The following PPP4R2 variants were observed in gnomAD, a reference collection of about 807,000 sequenced individuals.
PPP4R2 encodes protein phosphatase 4 regulatory subunit 2.
A neutral mutation model predicts 47.2 loss-of-function variants in PPP4R2; 13 were observed. That is an observed-to-expected ratio of 0.28 (90% CI 0.18 to 0.44). The LOEUF (loss-of-function observed/expected upper bound fraction) is 0.44, where lower values mean the gene tolerates loss of function less well. Among genes scored for constraint, PPP4R2 ranks in the 20% least tolerant of loss-of-function variants. PPP4R2 has a pLI of 1.00. For missense variants in PPP4R2, 421 were observed against 491.2 expected (o/e 0.86, Z 1.35); for synonymous variants, 151 against 163.3 (o/e 0.92, Z 0.57).
intron 3 of PPP4R2, among the ~76,000 whole-genome samples, chr3:73,052,342 T>C (rs1323395353): frequency 6.6e-6 from 1 of 151,586 alleles, no homozygotes; most frequent in Non-Finnish European, 1.5e-5. Flanking sequence ...AAAGTGAAGT[T>C]ACAGTTTGTC....
intron 2 of PPP4R2, among the ~76,000 whole-genome samples, chr3:73,043,008 G>C (rs1030790242): frequency 1.3e-5 from 2 of 151,858 alleles, no homozygotes; most frequent in Non-Finnish European, 2.9e-5. Context: ...TTTTTGGACC[G>C]CAAACATGTC....
intron 3 of PPP4R2, among the ~76,000 whole-genome samples, chr3:73,056,682 G>A (rs1702737643): frequency 6.6e-6 from 1 of 151,932 alleles, no homozygotes; most frequent in Non-Finnish European, 1.5e-5. Flanking sequence ...TATCATTGCT[G>A]GTATTGCTAT....
At position 73,065,722 on chromosome 3, in the gene PPP4R2, A is replaced by T. The variant is rs774814827; in HGVS notation, c.1254A>T (p.Ter418TyrextTer6). The T allele has an allele frequency of 3.8e-6, 6 of 1,583,396 alleles. No homozygotes were observed. The highest frequency in any genetic ancestry group is 3.4e-6 in the Non-Finnish European group (4 of 1,160,626). ...CCGATGAACCAATGGAACAAGACTA[A>T]CTATTTAGAAACATTTAGATGCAGT... Reference protein sequence around the residue: ...EVTDEPMEQD* With the variant: ...EVTDEPMEQDY The change falls in exon 9 of 9, where the codon TAA (stop) becomes TAT (tyrosine). Residue 418 changes from the stop codon to tyrosine (Y), a stop_lost. Coordinates refer to ENST00000356692, the MANE Select transcript of PPP4R2 (RefSeq NM_174907.4).
At chr3:73,018,208 G>C (rs1043106383) in intron 2 of PPP4R2, among the ~76,000 whole-genome samples, 3 of 152,062 alleles carry the variant, frequency 2.0e-5, no homozygotes, top group African/African-American at 7.2e-5. Context: ...TTTCAACTGT[G>C]GGGGTCAACT....
chr3:73,048,746 A>G (rs987835910), intron 3 of PPP4R2, among the ~76,000 whole-genome samples: 1 of 152,248 alleles, frequency 6.6e-6, no homozygotes, highest in Non-Finnish European at 1.5e-5. Flanking sequence ...TTGTATTTTT[A>G]GATGGCATAA....
At position 72,996,986 on chromosome 3, in the gene PPP4R2, C is replaced by T. The variant is rs557288481; in HGVS notation, c.-52C>T. 3.8e-6 allele frequency: 5 copies of T among 1,321,162 alleles called. No individual in the cohort carries two copies. The East Asian group carries it at 9.3e-5, about 24-fold the overall frequency. The allele number at this position is 1,321,162 out of a possible 1,614,324, so 81.8% of individuals were successfully genotyped here. ...GGGGGGTGGGGGGAGGCGTTCCGGT[C>T]CCCAAGAGACCCGCGGAGGGAGGCG... is the stretch of plus-strand genomic sequence containing the variant. On this transcript the variant is annotated 5_prime_UTR_variant, in exon 1 of 9. Transcript: ENST00000356692.
chr3:73,014,947 A>T lies in PPP4R2; in HGVS notation c.116+16789A>T, dbSNP rs968042392. On this transcript the variant is annotated intron_variant, in intron 2 of 8. Transcript: ENST00000356692. ...TCGAAACCCTGGCCTCAAGTGATCC[A>T]CCTGCCTCAACTTCCCAAACTGCGG... The T allele has an allele frequency of 4.3e-6, 3 of 694,438 alleles. No homozygotes were observed. The Middle Eastern group carries it at 6.9e-4, about 160-fold the overall frequency. 43.0% of individuals were successfully genotyped at this position (694,438 alleles called of 1,614,324 possible). A position where few individuals can be genotyped will look rare whatever the true frequency, so the allele number is the denominator to read the frequency against.
Position 72,998,111 on chromosome 3 carries a change from T to C in PPP4R2, c.69T>C (p.Pro23=), listed in dbSNP as rs1442269799. The change falls in exon 2 of 9, where the codon CCT becomes CCC. Residue 23 remains proline, a synonymous_variant. Transcript: ENST00000356692. The part of the protein sequence containing the change: ...FEKRGKKEVC[P]VLDQFLCHVA... Reference sequence around the variant, plus strand: ...AGAGGGGGAAAAAGGAAGTTTGTCCTGTCCTGGATCAGTTTCTTTGTCATG... The same window carrying C: ...AGAGGGGGAAAAAGGAAGTTTGTCCCGTCCTGGATCAGTTTCTTTGTCATG... The C allele has an allele frequency of 6.2e-7, 1 of 1,606,424 alleles. No homozygotes were observed. Among genetic ancestry groups the C allele is most frequent in the East Asian group, 2.2e-5 (1 of 44,802 alleles).
intron 2 of PPP4R2, among the ~76,000 whole-genome samples, chr3:73,040,492 T>C (rs1702355048): frequency 7.3e-6 from 1 of 137,386 alleles, no homozygotes; most frequent in South Asian, 2.5e-4. Flanking sequence ...GAAGTAGATG[T>C]GACCTAATTT....
chr3:73,001,699 C>A (rs547288418), intron 2 of PPP4R2, among the ~76,000 whole-genome samples: 1 of 152,026 alleles, frequency 6.6e-6, no homozygotes, highest in African/African-American at 2.4e-5. Flanking sequence ...ATCGTAGTGG[C>A]GCGATCTCGG....
In PPP4R2 at chr3:73,067,822, A is replaced by G. The variant is rs932110475; in HGVS notation, c.*2100A>G. On this transcript the variant is annotated 3_prime_UTR_variant, in exon 9 of 9. Transcript: ENST00000356692. ...TGCAATTGCTATATTTGCAAGGGCA[A>G]ATGTATTTCTTTATTAAATAAAGTA... The G allele has an allele frequency of 2.0e-5, 3 of 152,180 alleles. No individual in the cohort carries two copies. The highest frequency in any genetic ancestry group is 4.8e-5 in the African/African-American group (2 of 41,452). The allele number at this position is 152,180 out of a possible 1,614,324, so 9.4% of individuals were successfully genotyped here.
intron 2 of PPP4R2, among the ~76,000 whole-genome samples, chr3:73,018,407 C>CGTTATGTTATGTTAT (rs11282207): frequency 0.1 from 9,952 of 96,052 alleles, 778 homozygotes; most frequent in East Asian, 0.16. Context: ...CTGTCATAGT[C>CGTTATGTTATGTTAT]GTTATGTTAT....
At chr3:73,026,520 A>G (rs1235491628) in intron 2 of PPP4R2, among the ~76,000 whole-genome samples, 2 of 152,152 alleles carry the variant, frequency 1.3e-5, no homozygotes, top group Non-Finnish European at 2.9e-5. Context: ...CCTGAGGACA[A>G]CTAAATTCTT....
At chr3:73,018,923 A>T (rs941152468) in intron 2 of PPP4R2, among the ~76,000 whole-genome samples, 1 of 152,128 alleles carries the variant, frequency 6.6e-6, no homozygotes, top group Non-Finnish European at 1.5e-5. Context: ...TTTGCTTACT[A>T]GTCTGTTTCT....
chr3:73,003,215 T>C (rs938019355), intron 2 of PPP4R2, among the ~76,000 whole-genome samples: 4 of 126,498 alleles, frequency 3.2e-5, no homozygotes, highest in African/African-American at 9.1e-5. Context: ...ACTTTCCCTT[T>C]TGTTTTTTTT....
At position 73,014,866 on chromosome 3, in the gene PPP4R2, GTATT is replaced by G. The variant is rs750113667; in HGVS notation, c.116+16717_116+16720del. The G allele has an allele frequency of 1.1e-4, 55 of 496,148 alleles. 1 individual carries two copies. The highest frequency in any genetic ancestry group is 9.4e-4 in the South Asian group (28 of 29,854). 30.7% of individuals were successfully genotyped at this position (496,148 alleles called of 1,614,324 possible). ...ATCATTTATTAGTTGGAATCCTTGT[GTATT>G]TATTTATTCATTTTAATGAGATGGG... On this transcript the variant is annotated intron_variant, in intron 2 of 8. Transcript: ENST00000356692.
At chr3:73,055,288 T>G (rs1183297371) in intron 3 of PPP4R2, among the ~76,000 whole-genome samples, 1 of 152,126 alleles carries the variant, frequency 6.6e-6, no homozygotes, top group Non-Finnish European at 1.5e-5. Flanking sequence ...CCATATACAT[T>G]ATGTCGTATT....
intron 2 of PPP4R2, among the ~76,000 whole-genome samples, chr3:73,022,467 C>G (rs1258960486): frequency 6.6e-6 from 1 of 151,996 alleles, no homozygotes; most frequent in East Asian, 1.9e-4. Flanking sequence ...TGATAGAAGC[C>G]TCATAATGTG....
chr3:73,003,730 G>C (rs1036776103), intron 2 of PPP4R2, among the ~76,000 whole-genome samples: 1 of 148,842 alleles, frequency 6.7e-6, no homozygotes, highest in Non-Finnish European at 1.5e-5. Flanking sequence ...ACAGAGTCTT[G>C]CTCTGTTGCC....
Sources: gnomAD v4.1 joint callset for allele counts (sites outside exome capture counted in the v4.1 genomes callset) on GRCh38, gnomAD v4.1.1 for gene constraint, MANE v1.5 for transcripts, NCBI Gene and HGNC (gene_info 2026-07-23, HGNC 2026-07-21) for gene names.